Variants in CNTNAP2 observed in about 807,000 individuals in gnomAD.
CNTNAP2 encodes the protein contactin associated protein 2, also known as contactin-associated protein-like 2.
A neutral mutation model predicts 155.2 loss-of-function variants in CNTNAP2; 98 were observed. That is an observed-to-expected ratio of 0.63 (90% CI 0.54 to 0.75). The LOEUF (loss-of-function observed/expected upper bound fraction) is 0.75. Ranked by LOEUF, CNTNAP2 falls within the 30% of genes least tolerant of loss-of-function variation. The pLI, the probability that CNTNAP2 is intolerant of heterozygous loss-of-function variation, is 0.00. For missense variants in CNTNAP2, 1,727 were observed against 1,688.1 expected (o/e 1.02, Z -0.40); for synonymous variants, 651 against 631.2 (o/e 1.03, Z -0.47).
chr7:147,716,055 A>C (rs989893367), intron 13 of CNTNAP2, among the ~76,000 whole-genome samples: 8 of 152,178 alleles, frequency 5.3e-5, no homozygotes, highest in Non-Finnish European at 1.0e-4. Context: ...TTGTACCAAC[A>C]CTGGTCACAA....
intron 4 of CNTNAP2, among the ~76,000 whole-genome samples, chr7:147,056,706 T>G (rs544568154): frequency 2.0e-5 from 3 of 152,238 alleles, no homozygotes; most frequent in Non-Finnish European, 2.9e-5. Flanking sequence ...GAAGGCTATC[T>G]GAGTAATACA....
chr7:147,888,808 A>G (rs1298530172), intron 13 of CNTNAP2, among the ~76,000 whole-genome samples: 1 of 113,690 alleles, frequency 8.8e-6, no homozygotes, highest in African/African-American at 3.2e-5. Context: ...ACTTTTTAGG[A>G]CAAAATAATG....
chr7:147,155,409 C>G (rs1312926742), intron 8 of CNTNAP2, among the ~76,000 whole-genome samples: 5 of 152,142 alleles, frequency 3.3e-5, no homozygotes, highest in Non-Finnish European at 5.9e-5. Flanking sequence ...CAAACCAAGA[C>G]AGCAGGTAGC....
intron 9 of CNTNAP2, among the ~76,000 whole-genome samples, chr7:147,338,030 T>C (rs1428270104): frequency 6.6e-6 from 1 of 152,176 alleles, no homozygotes; most frequent in Non-Finnish European, 1.5e-5. Flanking sequence ...AATAGGCTAC[T>C]GTGTTAGTTA....
intron 13 of CNTNAP2, among the ~76,000 whole-genome samples, chr7:147,802,177 G>A (rs1311533972): frequency 4.6e-5 from 7 of 150,878 alleles, no homozygotes; most frequent in East Asian, 2.0e-4. Flanking sequence ...CATCCCAGAC[G>A]GGGCGGCGGG....
chr7:147,424,067 T>G (rs369475555), intron 10 of CNTNAP2, among the ~76,000 whole-genome samples: 1 of 152,282 alleles, frequency 6.6e-6, no homozygotes, highest in East Asian at 1.9e-4. Flanking sequence ...TGGTCTCACT[T>G]TAAATTCATA....
intron 1 of CNTNAP2, among the ~76,000 whole-genome samples, chr7:146,239,620 A>G (rs1019456082): frequency 6.6e-6 from 1 of 152,190 alleles, no homozygotes; most frequent in African/African-American, 2.4e-5. Flanking sequence ...GACAGATTGC[A>G]TGTCAGATTC....
chr7:148,303,104 G>A (rs1374839393), intron 21 of CNTNAP2, among the ~76,000 whole-genome samples: 1 of 151,956 alleles, frequency 6.6e-6, no homozygotes. Context: ...TGAGCCTTGG[G>A]TATTTCTTTA....
rs372351365 is a variant in CNTNAP2, at chr7:148,217,392, C to G, written c.3115C>G (p.Gln1039Glu). ...SSSRVDNAPDQQNSHPDLAQE... is the reference protein window; with the variant it reads ...SSSRVDNAPDEQNSHPDLAQE... Reference sequence around the variant, plus strand: ...CAGCAGAGTAGACAACGCTCCCGACCAGCAGAACTCCCACCCGGACCTGGC... The same window carrying G: ...CAGCAGAGTAGACAACGCTCCCGACGAGCAGAACTCCCACCCGGACCTGGC... The change falls in exon 19 of 24, where the codon CAG becomes GAG. Residue 1039 changes from glutamine to glutamate, a missense_variant. By Grantham distance (29) the Gln-to-Glu change is conservative. Transcript: ENST00000361727. 2.7e-5 allele frequency: 43 copies of G among 1,614,038 alleles called. No individual in the cohort carries two copies. Among genetic ancestry groups the G allele is most frequent in the Non-Finnish European group, 3.5e-5 (41 of 1,180,022 alleles).
chr7:147,591,157 A>T (rs62481359), intron 12 of CNTNAP2, among the ~76,000 whole-genome samples: 32,008 of 152,186 alleles, frequency 0.21, 3,575 homozygotes, highest in Admixed American at 0.3. Flanking sequence ...CTAAACAAGT[A>T]ATTTCATTTT....
At chr7:147,271,151 A>T (rs750367545) in intron 8 of CNTNAP2, among the ~76,000 whole-genome samples, 4 of 152,348 alleles carry the variant, frequency 2.6e-5, no homozygotes, top group East Asian at 3.9e-4. Flanking sequence ...TGTATAGATC[A>T]TGATAACACC....
chr7:147,916,591 G>T (rs1355892401), intron 14 of CNTNAP2, among the ~76,000 whole-genome samples: 2 of 135,990 alleles, frequency 1.5e-5, no homozygotes, highest in African/African-American at 2.7e-5. Context: ...CTTTTTTTCT[G>T]AAAAAAAAAA....
chr7:146,413,631 T>C (rs1389432348), intron 1 of CNTNAP2, among the ~76,000 whole-genome samples: 4 of 152,172 alleles, frequency 2.6e-5, no homozygotes, highest in African/African-American at 9.7e-5. Context: ...TCCTTTTACT[T>C]GTTCTTCTTC....
rs576876556 is a variant in CNTNAP2, at chr7:147,178,042, C to T, written c.1348+45533C>T. On this transcript the variant is annotated intron_variant, in intron 8 of 23. Coordinates refer to ENST00000361727, the MANE Select transcript of CNTNAP2 (RefSeq NM_014141.6). Reference sequence around the variant, plus strand: ...TCTATCTGTGGAAGGCAGAATAATGCCCCATCCGCCCCCCCACCACGAAGA... The same window carrying T: ...TCTATCTGTGGAAGGCAGAATAATGTCCCATCCGCCCCCCCACCACGAAGA... Among the ~76,000 whole-genome samples the T allele has an allele frequency of 9.9e-5, 15 of 152,200 alleles. No individual in the cohort carries two copies. The South Asian group carries it at 2.3e-3, about 23-fold the overall frequency.
chr7:147,541,612 A>G (rs925933768), intron 11 of CNTNAP2, among the ~76,000 whole-genome samples: 1 of 152,212 alleles, frequency 6.6e-6, no homozygotes, highest in Non-Finnish European at 1.5e-5. Flanking sequence ...CAATAAAATC[A>G]ATGTGGTCAA....
At position 147,017,155 on chromosome 7, in the gene CNTNAP2, T is replaced by G. The variant is rs919560233; in HGVS notation, c.403-26752T>G. Among the ~76,000 whole-genome samples the G allele has an allele frequency of 5.3e-5, 8 of 152,058 alleles. 1 individual carries two copies. In the South Asian group the frequency reaches 1.0e-3, roughly 20 times the overall value. ...CTCCTTCAGGTCCTTTATTTCTGCTTCTTCTTCTGTCATATTTTATTTTTT... is the reference window on the plus strand; with the variant it reads ...CTCCTTCAGGTCCTTTATTTCTGCTGCTTCTTCTGTCATATTTTATTTTTT... On this transcript the variant is annotated intron_variant, in intron 3 of 23. Transcript: ENST00000361727.
chr7:146,856,008 G>A (rs1183375700), intron 3 of CNTNAP2, among the ~76,000 whole-genome samples: 1 of 151,272 alleles, frequency 6.6e-6, no homozygotes, highest in East Asian at 1.9e-4. Flanking sequence ...AATTTTACCA[G>A]GTTGTGGTCG....
intron 2 of CNTNAP2, among the ~76,000 whole-genome samples, chr7:146,835,640 A>G (rs904051129): frequency 2.8e-4 from 43 of 152,322 alleles, no homozygotes; most frequent in African/African-American, 9.9e-4. Flanking sequence ...AAGCAGGTAT[A>G]AGTAACTCAT....
chr7:146,502,676 A>G (rs1056981727), intron 1 of CNTNAP2, among the ~76,000 whole-genome samples: 2 of 152,132 alleles, frequency 1.3e-5, no homozygotes, highest in East Asian at 3.9e-4. Context: ...CAATGGCGCA[A>G]TCTAGGCTTA....
Sources: allele counts gnomAD v4.1 joint callset (sites outside exome capture counted in the v4.1 genomes callset), GRCh38; gene constraint gnomAD v4.1.1; transcripts MANE v1.5; gene names NCBI Gene and HGNC (gene_info 2026-07-23, HGNC 2026-07-21).